PLXNA4: variants seen among roughly 807,000 people sequenced by gnomAD.
PLXNA4 encodes the protein plexin-A4.
Under a neutral mutation model 191.8 loss-of-function variants are expected in PLXNA4, and 44 were observed. The ratio of observed to expected loss-of-function variants is 0.23; its 90% confidence interval spans 0.18 to 0.29. The LOEUF is 0.29. Ranked by LOEUF, PLXNA4 falls within the 10% of genes least tolerant of loss-of-function variation. The pLI is 1.00. For missense variants in PLXNA4, 1,800 were observed against 2,488.8 expected, an observed-to-expected ratio of 0.72 and a Z score of 5.89; for synonymous variants, 1,082 against 1,009.5, an observed-to-expected ratio of 1.07 and a Z score of -1.36.
chr7:132,342,962 G>A (rs201940396), intron 3 of PLXNA4, among the ~76,000 whole-genome samples: 1,108 of 110,666 alleles, frequency 0.01, 16 homozygotes, highest in African/African-American at 0.033. Flanking sequence ...AAAAAAAAAA[G>A]AAAAAAAAAA....
chr7:132,632,922 T>C (rs111425429), intron 2 of PLXNA4, among the ~76,000 whole-genome samples: 1 of 152,128 alleles, frequency 6.6e-6, no homozygotes, highest in African/African-American at 2.4e-5. Flanking sequence ...CTAATCTCTG[T>C]GTTCTCAGGA....
At chr7:132,569,436 G>A (rs867974889) in intron 1 of PLXNA4, among the ~76,000 whole-genome samples, 1 of 152,208 alleles carries the variant, frequency 6.6e-6, no homozygotes, top group South Asian at 2.1e-4. Context: ...AGGGGCACAA[G>A]GCCCAGGCCC....
intron 29 of PLXNA4, among the ~76,000 whole-genome samples, chr7:132,143,389 G>T (rs1274586351): frequency 1.3e-5 from 2 of 152,226 alleles, no homozygotes; most frequent in Non-Finnish European, 2.9e-5. Context: ...CACCCCTGGA[G>T]GTGGCCTTGC....
chr7:132,363,535 G>T (rs1320716633), intron 3 of PLXNA4, among the ~76,000 whole-genome samples: 1 of 152,126 alleles, frequency 6.6e-6, no homozygotes, highest in Non-Finnish European at 1.5e-5. Context: ...TTCTTTTTAA[G>T]ACTGAATATT....
At chr7:132,614,346 C>T (rs1250613441) in intron 2 of PLXNA4, among the ~76,000 whole-genome samples, 5 of 152,330 alleles carry the variant, frequency 3.3e-5, no homozygotes, top group Admixed American at 2.0e-4. Context: ...TTCAAGTGCT[C>T]GGTAGCCACA....
At chr7:132,641,457 C>T (rs1321188206) in intron 2 of PLXNA4, among the ~76,000 whole-genome samples, 1 of 152,108 alleles carries the variant, frequency 6.6e-6, no homozygotes, top group Non-Finnish European at 1.5e-5. Flanking sequence ...TGGATGAGGG[C>T]TCTATCCATA....
intron 1 of PLXNA4, among the ~76,000 whole-genome samples, chr7:132,541,385 G>A (rs1238636574): frequency 3.3e-5 from 5 of 152,198 alleles, no homozygotes; most frequent in Non-Finnish European, 7.3e-5. Context: ...GAATGCTAAC[G>A]GTGAAAACCG....
rs1366959944 is a variant in PLXNA4 at position 132,178,707 on chromosome 7, T to TACACACACACACACAC, written c.3874+979_3874+980insGTGTGTGTGTGTGTGT. ...TGCTTGTAAATGAAACACATACACA[T>TACACACACACACACAC]ACACATACACACACACACACACACT... On this transcript the variant is annotated intron_variant, in intron 20 of 31. Coordinates refer to ENST00000321063, the MANE Select transcript of PLXNA4 (RefSeq NM_020911.2). Among the ~76,000 whole-genome samples the TACACACACACACACAC allele has an allele frequency of 3.1e-4, 21 of 68,528 alleles. 2 individuals are homozygous for TACACACACACACACAC. Among genetic ancestry groups the TACACACACACACACAC allele is most frequent in the African/African-American group, 2.2e-3 (19 of 8,746 alleles). The allele number at this position is 68,528 out of a possible 152,430, so 45.0% of individuals were successfully genotyped here.
chr7:132,566,304 T>A (rs182481038), intron 1 of PLXNA4, among the ~76,000 whole-genome samples: 5,455 of 151,630 alleles, frequency 0.036, 218 homozygotes, highest in African/African-American at 0.096. Flanking sequence ...CCTCTCTCTC[T>A]CACACACACA....
intron 3 of PLXNA4, among the ~76,000 whole-genome samples, chr7:132,371,863 A>C (rs1804455201): frequency 6.6e-6 from 1 of 152,162 alleles, no homozygotes; most frequent in Non-Finnish European, 1.5e-5. Context: ...GCTTTAATCC[A>C]TGAAAACACA....
At chr7:132,573,509 C>T (rs933718409) in intron 1 of PLXNA4, among the ~76,000 whole-genome samples, 1 of 152,184 alleles carries the variant, frequency 6.6e-6, no homozygotes, top group South Asian at 2.1e-4. Context: ...GGGACTGCTG[C>T]CATCCTAGAA....
intron 3 of PLXNA4, among the ~76,000 whole-genome samples, chr7:132,451,923 C>T (rs1383057412): frequency 2.0e-5 from 3 of 152,210 alleles, no homozygotes; most frequent in South Asian, 2.1e-4. Context: ...AAAACTTCTG[C>T]TCCCTTCAGT....
chr7:132,500,398 G>A (rs987765640), intron 2 of PLXNA4, among the ~76,000 whole-genome samples: 1 of 151,800 alleles, frequency 6.6e-6, no homozygotes, highest in African/African-American at 2.4e-5. Flanking sequence ...AGCCAAGATC[G>A]CGCCATTGCA....
chr7:132,269,194 T>C (rs991295645), intron 4 of PLXNA4, among the ~76,000 whole-genome samples: 1 of 152,140 alleles, frequency 6.6e-6, no homozygotes, highest in Non-Finnish European at 1.5e-5. Flanking sequence ...GATTTGGGTG[T>C]ATGAGAGCAA....
At chr7:132,372,550 G>GC (rs956574398) in intron 3 of PLXNA4, among the ~76,000 whole-genome samples, 47 of 152,158 alleles carry the variant, frequency 3.1e-4, no homozygotes, top group Admixed American at 3.1e-3. Flanking sequence ...AGGAGTGGAA[G>GC]CCCCCACACC....
chr7:132,298,207 G>A lies in PLXNA4; in HGVS notation c.1387C>T (p.Pro463Ser), dbSNP rs1801176587. 6.2e-7 allele frequency: 1 copy of A among 1,613,710 alleles called. No individual in the cohort carries two copies. Among genetic ancestry groups the A allele is most frequent in the African/African-American group, 1.3e-5 (1 of 75,040 alleles). Residue 463 changes from proline (P) to serine (S), a missense_variant, in exon 4 of 32, where the codon CCC becomes TCC. Pro to Ser is a moderately conservative substitution (Grantham distance 74, BLOSUM62 -1). Transcript: ENST00000321063. ...GKLKKIRVDG[P>S]RGNALQYETV... ...TCATACTGGAGGGCGTTGCCCCTGG[G>A]TCCATCCACCCGGATCTGTGGAGAA...
chr7:132,625,489 G>T (rs1023031879), intron 2 of PLXNA4, among the ~76,000 whole-genome samples: 3 of 152,076 alleles, frequency 2.0e-5, no homozygotes, highest in African/African-American at 7.2e-5. Flanking sequence ...CATTCACATA[G>T]ATCCTGTAGA....
chr7:132,413,539 T>C (rs1794543376), intron 3 of PLXNA4, among the ~76,000 whole-genome samples: 1 of 152,172 alleles, frequency 6.6e-6, no homozygotes, highest in African/African-American at 2.4e-5. Context: ...CCAACAGACA[T>C]GGCCTCAACC....
intron 3 of PLXNA4, among the ~76,000 whole-genome samples, chr7:132,320,188 G>T (rs1041145483): frequency 6.6e-6 from 1 of 152,124 alleles, no homozygotes; most frequent in African/African-American, 2.4e-5. Flanking sequence ...CCACAAACTG[G>T]GTGTCATAAA....
Sources: gnomAD v4.1 joint callset for allele counts (sites outside exome capture counted in the v4.1 genomes callset) on GRCh38, gnomAD v4.1.1 for gene constraint, MANE v1.5 for transcripts, NCBI Gene and HGNC (gene_info 2026-07-23, HGNC 2026-07-21) for gene names.